DNMBP: variants seen among roughly 807,000 people sequenced by gnomAD.
DNMBP encodes dynamin binding protein, also known as dynamin-binding protein.
In DNMBP, 87 loss-of-function variants were observed where a neutral mutation model predicts 150.0. That is an observed-to-expected ratio of 0.58 (90% CI 0.49 to 0.69). The LOEUF (loss-of-function observed/expected upper bound fraction) is 0.69. Among genes scored for constraint, DNMBP ranks in the 30% least tolerant of loss-of-function variants. DNMBP has a pLI of 0.00. For synonymous variants in DNMBP, 711 were observed against 750.4 expected, an observed-to-expected ratio of 0.95 and a Z score of 0.86; for missense variants, 1,774 against 1,949.0, an observed-to-expected ratio of 0.91 and a Z score of 1.69.
chr10:99,994,065 AAG>A (rs1354708600), intron 1 of DNMBP, among the ~76,000 whole-genome samples: 2 of 152,334 alleles, frequency 1.3e-5, no homozygotes, highest in African/African-American at 4.8e-5. Context: ...TGCTACATAA[AAG>A]AGCAAATTTA....
At position 99,994,744 on chromosome 10, in the gene DNMBP, T is replaced by C. The variant is rs184004228; in HGVS notation, c.-11+15094A>G. Among the ~76,000 whole-genome samples the C allele has an allele frequency of 8.3e-4, 127 of 152,294 alleles. 1 individual carries two copies. Among genetic ancestry groups the C allele is most frequent in the East Asian group, 4.6e-3 (24 of 5,184 alleles). ...AATTTACTGACTGTTCTAAAACATA[T>C]CCTGTACTTCTAGGAAAAACATTGG... On this transcript the variant is annotated intron_variant, in intron 1 of 16. Coordinates refer to ENST00000324109, the MANE Select transcript of DNMBP (RefSeq NM_015221.4).
At chr10:99,877,378 A>G in intron 16 of DNMBP, 42 bp from the exon 17 acceptor site, 2 of 1,529,364 alleles carry the variant, frequency 1.3e-6, no homozygotes, top group Non-Finnish European at 1.8e-6. Flanking sequence ...TGCTGGGAGC[A>G]ATGCCATCCA....
chr10:99,955,092 G>T, intron 4 of DNMBP, 122 bp downstream of exon 4: 31 of 782,400 alleles, frequency 4.0e-5, no homozygotes, highest in Middle Eastern at 2.9e-4. Flanking sequence ...ATTAGGTAAT[G>T]AAAATGTAAA....
chr10:99,929,499 A>T (rs2040121215), intron 4 of DNMBP: 3 of 595,528 alleles, frequency 5.0e-6, no homozygotes, highest in Non-Finnish European at 8.9e-6. Flanking sequence ...CTTGATAAGA[A>T]GTTCAGGGCC....
intron 2 of DNMBP, 77 bp downstream of exon 2, chr10:99,971,903 T>C: frequency 7.5e-7 from 1 of 1,327,540 alleles, no homozygotes; most frequent in Non-Finnish European, 1.0e-6. Context: ...TTGCCCAGGC[T>C]GGAGTGCAGT....
intron 4 of DNMBP, among the ~76,000 whole-genome samples, chr10:99,924,023 G>A (rs764719110): frequency 1.5e-4 from 23 of 152,154 alleles, no homozygotes; most frequent in Non-Finnish European, 2.8e-4. Flanking sequence ...GCATGGTGGT[G>A]CATACCTGTA....
chr10:99,974,823 G>A (rs1348037771), intron 1 of DNMBP, among the ~76,000 whole-genome samples: 1 of 152,222 alleles, frequency 6.6e-6, no homozygotes, highest in East Asian at 1.9e-4. Flanking sequence ...GGCCCAGGCT[G>A]GAGAGCAGTG....
intron 1 of DNMBP, among the ~76,000 whole-genome samples, chr10:99,996,348 C>A (rs998406804): frequency 6.6e-6 from 1 of 152,022 alleles, no homozygotes; most frequent in African/African-American, 2.4e-5. Flanking sequence ...TGGCGAAACC[C>A]CGTCTCTACT....
rs558389312 is a variant in DNMBP, at chr10:99,937,619, T to C, written c.2260+17595A>G. Among the ~76,000 whole-genome samples, 10 of 152,290 alleles carry C rather than the reference T, an allele frequency of 6.6e-5. No individual in the cohort carries two copies. The South Asian group carries it at 1.2e-3, about 19-fold the overall frequency. On this transcript the variant is annotated intron_variant, in intron 4 of 16. Coordinates refer to ENST00000324109, the MANE Select transcript of DNMBP (RefSeq NM_015221.4). ...AAAGTATCCTGGCCTAATTCAAAAG[T>C]GGACCACTACCGAGGCAAGCCATGT... is the stretch of plus-strand genomic sequence containing the variant.
chr10:99,909,009 T>G lies in DNMBP; in HGVS notation c.2398A>C (p.Ile800Leu). Reference sequence around the variant, plus strand: ...TCAATACACATTTCCAGATCCCGAATGTAGTCTCTTTCTGTCTGAAGAAGT... The same window carrying G: ...TCAATACACATTTCCAGATCCCGAAGGTAGTCTCTTTCTGTCTGAAGAAGT... ...EELLQTERDY[I>L]RDLEMCIERI... The change falls in exon 5 of 17, where the codon ATT becomes CTT. Residue 800 changes from isoleucine (I) to leucine (L), a missense_variant. Coordinates refer to ENST00000324109, the MANE Select transcript of DNMBP (RefSeq NM_015221.4). 1 of 1,614,210 alleles carries G rather than the reference T, an allele frequency of 6.2e-7. No individual in the cohort carries two copies. The highest frequency in any genetic ancestry group is 8.5e-7 in the Non-Finnish European group (1 of 1,180,034).
chr10:99,886,557 C>A lies in DNMBP; in HGVS notation c.3361G>T (p.Val1121Leu). The A allele has an allele frequency of 6.2e-7, 1 of 1,614,142 alleles. No individual in the cohort carries two copies. The highest frequency in any genetic ancestry group is 8.5e-7 in the Non-Finnish European group (1 of 1,180,028). The change falls in exon 13 of 17, where the codon GTA (valine) becomes TTA (leucine). Residue 1121 changes from valine (V) to leucine (L), a missense_variant. Val to Leu is a conservative substitution (Grantham distance 32). Transcript: ENST00000324109. ...AGGAGCTTGTCAAAGCGTTTCTGTA[C>A]CAGCTTATGGGGCCCTGTAAACATG... ...LSMFTGPHKL[V>L]QKRFDKLLDF...
chr10:99,980,205 G>A (rs1257267531), intron 1 of DNMBP, among the ~76,000 whole-genome samples: 1 of 152,188 alleles, frequency 6.6e-6, no homozygotes, highest in Non-Finnish European at 1.5e-5. Flanking sequence ...AGCACTTTGG[G>A]AGGCTGAGGC....
chr10:99,996,097 T>G (rs1342793727), intron 1 of DNMBP, among the ~76,000 whole-genome samples: 1 of 152,258 alleles, frequency 6.6e-6, no homozygotes, highest in African/African-American at 2.4e-5. Flanking sequence ...AAATCACCTC[T>G]CATCAACACT....
In DNMBP at chr10:99,929,926, G is replaced by A. The variant is rs182612922; in HGVS notation, c.2261-20780C>T. 5.5e-5 allele frequency: 39 copies of A among 702,814 alleles called. No individual in the cohort carries two copies. The Admixed American group carries it at 6.8e-4, about 12-fold the overall frequency. The allele number at this position is 702,814 out of a possible 1,614,324, so 43.5% of individuals were successfully genotyped here. ...AGAGAATCTGTCCCTCTGGAATTAC[G>A]AGATTTATATGCACAGTTTGCAAAT... On this transcript the variant is annotated intron_variant, in intron 4 of 16. Coordinates refer to ENST00000324109, the MANE Select transcript of DNMBP (RefSeq NM_015221.4).
intron 3 of DNMBP, among the ~76,000 whole-genome samples, chr10:99,966,041 G>C (rs1044771951): frequency 3.3e-5 from 5 of 152,218 alleles, no homozygotes; most frequent in Admixed American, 3.3e-4. Flanking sequence ...CTGTTGATGT[G>C]ACTTGTCACG....
chr10:99,924,058 A>G (rs898017414), intron 4 of DNMBP, among the ~76,000 whole-genome samples: 11 of 147,296 alleles, frequency 7.5e-5, no homozygotes, highest in East Asian at 2.0e-4. Flanking sequence ...GGAGGCTGAG[A>G]CAGGAGAATC....
At chr10:99,990,178 A>G (rs1483842031) in intron 1 of DNMBP, among the ~76,000 whole-genome samples, 3 of 152,138 alleles carry the variant, frequency 2.0e-5, no homozygotes, top group African/African-American at 7.2e-5. Context: ...ACTTATTTCC[A>G]GGTTAGGAAG....
chr10:99,964,135 C>CTCT lies in DNMBP; in HGVS notation c.268+4979_268+4980insAGA, dbSNP rs1299820462. The stretch of plus-strand genomic sequence containing the variant: ...GTCTTTTCCTTGTCCTATTCTCTCT[C>CTCT]TTTTTTTTTTTTTTTTTTTTTTTTG... On this transcript the variant is annotated intron_variant, in intron 3 of 16. Coordinates refer to ENST00000324109, the MANE Select transcript of DNMBP (RefSeq NM_015221.4). Among the ~76,000 whole-genome samples the CTCT allele has an allele frequency of 3.9e-4, 34 of 87,236 alleles. No homozygotes were observed. The South Asian group carries it at 0.01, about 26-fold the overall frequency. 57.2% of individuals were successfully genotyped at this position (87,236 alleles called of 152,430 possible).
intron 4 of DNMBP, among the ~76,000 whole-genome samples, chr10:99,924,684 A>G (rs1354689384): frequency 1.3e-5 from 2 of 152,236 alleles, no homozygotes; most frequent in Non-Finnish European, 2.9e-5. Flanking sequence ...CTGCAATTAA[A>G]GGAGATATGG....
Sources: gnomAD v4.1 joint callset for allele counts (sites outside exome capture counted in the v4.1 genomes callset) on GRCh38, gnomAD v4.1.1 for gene constraint, MANE v1.5 for transcripts, NCBI Gene and HGNC (gene_info 2026-07-23, HGNC 2026-07-21) for gene names.